Variants in PROKR2 observed in about 807,000 individuals in gnomAD.
The protein encoded by PROKR2 is prokineticin receptor 2.
Under a neutral mutation model 23.4 loss-of-function variants are expected in PROKR2, and 26 were observed. The observed-to-expected ratio is 1.11, with a 90% CI of 0.81 to 1.54. The LOEUF is 1.54. Among genes scored for constraint, PROKR2 ranks in the 40% most tolerant of loss-of-function variants. The probability of loss-of-function intolerance (pLI) is 0.00; values close to 1 mark genes in which losing one functional copy is unlikely to be tolerated. For synonymous variants in PROKR2, 212 were observed against 201.2 expected, an observed-to-expected ratio of 1.05 and a Z score of -0.45; for missense variants, 453 against 511.5, an observed-to-expected ratio of 0.89 and a Z score of 1.10.
intron 1 of PROKR2, 65 bp from the exon 2 acceptor site, chr20:5,314,442 G>A: frequency 7.5e-7 from 1 of 1,332,056 alleles, no homozygotes; most frequent in Non-Finnish European, 1.1e-6. Flanking sequence ...CTCTTTCAGG[G>A]TCAGTGAGCC....
intron 2 of PROKR2, among the ~76,000 whole-genome samples, chr20:5,303,388 T>C: frequency 6.6e-6 from 1 of 152,112 alleles, no homozygotes. Flanking sequence ...TGTAGTGAAA[T>C]CTAAGGACTC....
rs1401420410 is a variant in PROKR2, at chr20:5,302,687, C to A, written c.508G>T (p.Ala170Ser). The A allele has an allele frequency of 4.3e-6, 7 of 1,614,062 alleles. No individual in the cohort carries two copies. The highest frequency in any genetic ancestry group is 2.7e-5 in the African/African-American group (2 of 74,920). ...CAGACCAAGGCGATCAGGAAGGAGG[C>A]CGTTTGATAATTCATCCGTGGTTTC... Reference protein sequence around the residue: ...PLKPRMNYQTASFLIALVWMV... With the variant: ...PLKPRMNYQTSSFLIALVWMV... Residue 170 changes from alanine (A) to serine (S), a missense_variant, in exon 3 of 3, where the codon GCC becomes TCC. Physicochemically the swap from Ala to Ser is moderately conservative, Grantham distance 99. Transcript: ENST00000678254.
At chr20:5,313,822 T>A in intron 2 of PROKR2, 90 bp downstream of exon 2, 1 of 1,110,758 alleles carries the variant, frequency 9.0e-7, no homozygotes, top group South Asian at 1.3e-5. Context: ...TGAGCATTCC[T>A]ATCTGGAGCA....
Position 5,301,117 on chromosome 20 carries a change from C to T in PROKR2, c.*923G>A, listed in dbSNP as rs940344054. On this transcript the variant is annotated 3_prime_UTR_variant, in exon 3 of 3. Coordinates refer to ENST00000678254, the MANE Select transcript of PROKR2 (RefSeq NM_144773.4). ...GGAAAGTTCAGTATGATGGCTGTAA[C>T]ACACCTCCCATGATGCTGTAAACCA... Among the ~76,000 whole-genome samples the T allele has an allele frequency of 1.1e-4, 17 of 152,096 alleles. No homozygotes were observed. Among genetic ancestry groups the T allele is most frequent in the African/African-American group, 3.9e-4 (16 of 41,394 alleles).
chr20:5,316,288 T>C lies in PROKR2; in HGVS notation c.-9+206A>G, dbSNP rs1979670795. 2.2e-6 allele frequency: 1 copy of C among 456,622 alleles called. No individual in the cohort carries two copies. Among genetic ancestry groups the C allele is most frequent in the Admixed American group, 2.3e-5 (1 of 42,570 alleles). 28.3% of individuals were successfully genotyped at this position (456,622 alleles called of 1,614,324 possible). ...CGCACACCACAGACTCCGCTTACCG[T>C]ACCCTACCCGGTCCTAGAGGGCCCA... On this transcript the variant is annotated intron_variant, in intron 1 of 2. Coordinates refer to ENST00000678254, the MANE Select transcript of PROKR2 (RefSeq NM_144773.4). This position sits in a 1 kb window ranked among gnomAD's most constrained non-coding sequence, Gnocchi z 5.0.
chr20:5,314,667 T>C (rs983835436), intron 1 of PROKR2, among the ~76,000 whole-genome samples: 1 of 152,200 alleles, frequency 6.6e-6, no homozygotes, highest in African/African-American at 2.4e-5. Context: ...CCTCCGTGGC[T>C]GCCCAGCTGT....
chr20:5,311,548 T>C (rs907765556), intron 2 of PROKR2, among the ~76,000 whole-genome samples: 2 of 152,238 alleles, frequency 1.3e-5, no homozygotes, highest in African/African-American at 4.8e-5. Context: ...CAGTGCTTAC[T>C]TTCTGTGACG....
rs1979057841 is a variant in PROKR2 at position 5,302,719 on chromosome 20, T to C, written c.476A>G (p.His159Arg). The change falls in exon 3 of 3, where the codon CAC becomes CGC. Residue 159 changes from histidine to arginine, a missense_variant. His to Arg is a conservative substitution (Grantham distance 29). Transcript: ENST00000678254. ...IAIDRYLAIV[H>R]PLKPRMNYQT... is the part of the protein sequence containing the mutation. Reference sequence around the variant, plus strand: ...ATAATTCATCCGTGGTTTCAAGGGGTGAACGATGGCGAGATATCTGGTGGG... The same window carrying C: ...ATAATTCATCCGTGGTTTCAAGGGGCGAACGATGGCGAGATATCTGGTGGG... 1 of 1,613,792 alleles carries C rather than the reference T, an allele frequency of 6.2e-7. No individual in the cohort carries two copies. Among genetic ancestry groups the C allele is most frequent in the East Asian group, 2.2e-5 (1 of 44,878 alleles).
At chr20:5,306,325 C>T (rs1400943420) in intron 2 of PROKR2, among the ~76,000 whole-genome samples, 1 of 152,150 alleles carries the variant, frequency 6.6e-6, no homozygotes, top group African/African-American at 2.4e-5. Flanking sequence ...ATTTAAGAGC[C>T]ATCAATTCAG....
chr20:5,315,557 G>A (rs942944563), intron 1 of PROKR2, among the ~76,000 whole-genome samples: 8 of 152,242 alleles, frequency 5.3e-5, no homozygotes, highest in African/African-American at 7.2e-5. Context: ...CCACATGTGG[G>A]CGCCGCGGGA....
At position 5,314,289 on chromosome 20, in the gene PROKR2, G is replaced by A. The variant is rs780388544; in HGVS notation, c.81C>T (p.Asn27=). The A allele has an allele frequency of 4.3e-6, 7 of 1,614,226 alleles. No individual in the cohort carries two copies. The highest frequency in any genetic ancestry group is 2.5e-6 in the Non-Finnish European group (3 of 1,180,044). Residue 27 remains asparagine (N), a synonymous_variant, in exon 2 of 3, where the codon AAC becomes AAT. Coordinates refer to ENST00000678254, the MANE Select transcript of PROKR2 (RefSeq NM_144773.4). ...PQDHASSLSF[N]FSYGDYDLPM... ...GGAGGTCATAATCACCATAACTGAAGTTAAAGGAGAGGGAGGAGGCATGGT... is the reference window on the plus strand; with the variant it reads ...GGAGGTCATAATCACCATAACTGAAATTAAAGGAGAGGGAGGAGGCATGGT...
At chr20:5,311,719 G>C (rs1979451748) in intron 2 of PROKR2, among the ~76,000 whole-genome samples, 1 of 152,220 alleles carries the variant, frequency 6.6e-6, no homozygotes. Context: ...TCAGCCGCCA[G>C]CTTGGCTAGA....
intron 1 of PROKR2, chr20:5,315,627 G>A (rs1979637178): frequency 2.9e-6 from 1 of 348,334 alleles, no homozygotes; most frequent in Non-Finnish European, 5.7e-6. Flanking sequence ...CCTGCGAGGG[G>A]AGGAGAACGC....
chr20:5,304,447 C>T (rs75976570), intron 2 of PROKR2, among the ~76,000 whole-genome samples: 7 of 152,296 alleles, frequency 4.6e-5, no homozygotes, highest in Non-Finnish European at 8.8e-5. Context: ...TACTCGAGCT[C>T]GTCTAACTCC....
chr20:5,315,515 C>T, intron 1 of PROKR2, among the ~76,000 whole-genome samples: 1 of 152,176 alleles, frequency 6.6e-6, no homozygotes, highest in East Asian at 1.9e-4. Flanking sequence ...GAGTGGCCTT[C>T]CCCTCGCCTC....
intron 2 of PROKR2, among the ~76,000 whole-genome samples, chr20:5,308,367 G>T (rs1302375521): frequency 6.6e-6 from 1 of 152,222 alleles, no homozygotes; most frequent in Non-Finnish European, 1.5e-5. Flanking sequence ...CCGCTTAAAG[G>T]CGTTCTTAAA....
Position 5,316,019 on chromosome 20 carries a change from G to A in PROKR2, c.-9+475C>T, listed in dbSNP as rs1474397441. The stretch of plus-strand genomic sequence containing the variant: ...CGCGGCCGCACTGTCGGCGTCTAGA[G>A]GCGACATCCTGGCAAAGACAGGAAT... On this transcript the variant is annotated intron_variant, in intron 1 of 2. Transcript: ENST00000678254. This position sits in a 1 kb window ranked among gnomAD's most constrained non-coding sequence, Gnocchi z 5.0. 8.8e-6 allele frequency: 4 copies of A among 456,576 alleles called. No homozygotes were observed. Among genetic ancestry groups the A allele is most frequent in the Non-Finnish European group, 1.8e-5 (4 of 226,964 alleles). The allele number at this position is 456,576 out of a possible 1,614,324, so 28.3% of individuals were successfully genotyped here. A position where few individuals can be genotyped will look rare whatever the true frequency, so the allele number is the denominator to read the frequency against.
At position 5,299,396 on chromosome 20, in the gene PROKR2, G is replaced by A. The variant is rs1331331785; in HGVS notation, c.*2644C>T. 6.6e-6 allele frequency among the ~76,000 whole-genome samples: 1 copy of A among 152,074 alleles called. No homozygotes were observed. Among genetic ancestry groups the A allele is most frequent in the African/African-American group, 2.4e-5 (1 of 41,424 alleles). On this transcript the variant is annotated 3_prime_UTR_variant, in exon 3 of 3. Coordinates refer to ENST00000678254, the MANE Select transcript of PROKR2 (RefSeq NM_144773.4). ...TGAATCCTGCTGACAGACTTGACTG[G>A]TACATGGTCCATTCCTAAAGAATCT... is the stretch of plus-strand genomic sequence containing the variant.
chr20:5,314,505 G>A (rs1401012763), intron 1 of PROKR2, 128 bp from the exon 2 acceptor site: 1 of 798,254 alleles, frequency 1.3e-6, no homozygotes, highest in Non-Finnish European at 2.1e-6. Flanking sequence ...CTGGATCCTG[G>A]AAGGAGGCAC....
Sources: allele counts gnomAD v4.1 joint callset (sites outside exome capture counted in the v4.1 genomes callset), GRCh38; gene constraint gnomAD v4.1.1; non-coding constraint Gnocchi (gnomAD v3.1); transcripts MANE v1.5; gene names NCBI Gene and HGNC (gene_info 2026-07-23, HGNC 2026-07-21).